MYO18B: variants seen among roughly 807,000 people sequenced by gnomAD.
MYO18B encodes unconventional myosin-XVIIIb.
MYO18B carries 204 observed loss-of-function variants against 273.0 expected under a neutral mutation model. The ratio of observed to expected loss-of-function variants is 0.75; its 90% CI spans 0.67 to 0.84. MYO18B has a LOEUF of 0.84. Among genes scored for constraint, MYO18B ranks in the 40% least tolerant of loss-of-function variants. The pLI is 0.00. For synonymous variants in MYO18B, 1,330 were observed against 1,305.7 expected, an observed-to-expected ratio of 1.02 and a Z score of -0.40; for missense variants, 3,212 against 3,287.6, an observed-to-expected ratio of 0.98 and a Z score of 0.56.
At chr22:25,833,633 G>C (rs1487361272) in intron 16 of MYO18B, among the ~76,000 whole-genome samples, 1 of 152,148 alleles carries the variant, frequency 6.6e-6, no homozygotes, top group African/African-American at 2.4e-5. Context: ...CATGAAACCT[G>C]CCATGCTTGG....
At chr22:25,976,554 A>G (rs949905307) in intron 39 of MYO18B, among the ~76,000 whole-genome samples, 5 of 152,194 alleles carry the variant, frequency 3.3e-5, no homozygotes, top group African/African-American at 1.2e-4. Flanking sequence ...AGTCATTAAC[A>G]TGCCTGGCCA....
Position 25,823,989 on chromosome 22 carries a change from C to T in MYO18B, c.2695+311C>T, listed in dbSNP as rs557098400. ...TCCATCGGATTTCGTGTTTGTTGAG[C>T]ACCTACTAAGTAGGGGAAAGACTAG... On this transcript the variant is annotated intron_variant, in intron 13 of 43. Transcript: ENST00000335473. 6.4e-4 allele frequency among the ~76,000 whole-genome samples: 97 copies of T among 152,140 alleles called. 3 individuals are homozygous for T. Among genetic ancestry groups the T allele is most frequent in the Non-Finnish European group, 1.3e-4 (9 of 68,036 alleles).
Position 25,883,539 on chromosome 22 carries a change from A to G in MYO18B, c.4314+5491A>G, listed in dbSNP as rs777467083. 3 of 152,222 alleles carry G rather than the reference A, an allele frequency of 2.0e-5. No individual in the cohort carries two copies. Among genetic ancestry groups the G allele is most frequent in the Non-Finnish European group, 4.4e-5 (3 of 68,042 alleles). The allele number at this position is 152,222 out of a possible 1,614,324, so 9.4% of individuals were successfully genotyped here. A position where few individuals can be genotyped will look rare whatever the true frequency, so the allele number is the denominator to read the frequency against. On this transcript the variant is annotated intron_variant, in intron 25 of 43. Transcript: ENST00000335473. This position sits in a 1 kb window ranked among gnomAD's most constrained non-coding sequence, Gnocchi z 7.6. ...GTCCTGGGACCACACTTTGAGACAC[A>G]TTAGGCCAGAGAACAGCTAGAAGAT...
At position 26,027,410 on chromosome 22, in the gene MYO18B, A is replaced by T. The variant is rs1239192695; in HGVS notation, c.7436A>T (p.Glu2479Val). 1.2e-6 allele frequency: 2 copies of T among 1,613,990 alleles called. No homozygotes were observed. Among genetic ancestry groups the T allele is most frequent in the Admixed American group, 3.3e-5 (2 of 60,024 alleles). ...TCAAGCATCCACTTTGAAACGGAAG[A>T]GGCTAACCGTTCCTTTCTCTCGGGG... is the stretch of plus-strand genomic sequence containing the variant. ...QRSSIHFETE[E>V]ANRSFLSGIK... Residue 2479 changes from glutamate (E) to valine (V), a missense_variant, in exon 43 of 44, where the codon GAG (glutamate) becomes GTG (valine). Glu to Val is a moderately radical substitution (Grantham distance 121). Transcript: ENST00000335473. The surrounding 1 kb of genome is among the most constrained non-coding windows in gnomAD (Gnocchi z 4.1).
intron 40 of MYO18B, among the ~76,000 whole-genome samples, chr22:26,000,497 A>G (rs1340135120): frequency 2.0e-5 from 3 of 151,822 alleles, no homozygotes; most frequent in Non-Finnish European, 2.9e-5. Flanking sequence ...CGTGCAGTCT[A>G]TATGGTAGTG....
intron 34 of MYO18B, among the ~76,000 whole-genome samples, chr22:25,930,445 C>A (rs1480743695): frequency 6.6e-6 from 1 of 151,754 alleles, no homozygotes; most frequent in Non-Finnish European, 1.5e-5. Flanking sequence ...AATTTAACCT[C>A]TCCCCGCCAT....
At chr22:25,890,664 G>T in intron 25 of MYO18B, 92 bp from the exon 26 acceptor site, 1 of 1,521,232 alleles carries the variant, frequency 6.6e-7, no homozygotes. Context: ...CCATGATAGT[G>T]ATTTGTCCAA....
chr22:25,785,399 CT>C lies in MYO18B; in HGVS notation c.2313-28del, dbSNP rs569160517. The C allele has an allele frequency of 1.9e-3, 3,080 of 1,590,980 alleles. 10 individuals carry two copies. Among genetic ancestry groups the C allele is most frequent in the South Asian group, 5.4e-3 (475 of 87,182 alleles). ...GCCAGGGCTGGTGTGGACAGCCCCC[CT>C]GACTCCTGGTTCCTTCTGTGCTTCC... On this transcript the variant is annotated intron_variant, in intron 10 of 43. Transcript: ENST00000335473.
Position 25,797,986 on chromosome 22 carries a change from G to C in MYO18B, c.2410G>C (p.Ala804Pro). Residue 804 changes from alanine to proline, a missense_variant, in exon 12 of 44, where the codon GCC (alanine) becomes CCC (proline). Physicochemically the swap from Ala to Pro is conservative, Grantham distance 27. Transcript: ENST00000335473. ...EDKQKAAAAFAQLQGAMEMLG... is the reference protein window; with the variant it reads ...EDKQKAAAAFPQLQGAMEMLG... ...TAAACAGAAGGCGGCAGCTGCCTTT[G>C]CCCAGCTCCAGGGTGCCATGGAGAT... 1 of 1,613,968 alleles carries C rather than the reference G, an allele frequency of 6.2e-7. No homozygotes were observed. Among genetic ancestry groups the C allele is most frequent in the Non-Finnish European group, 8.5e-7 (1 of 1,179,860 alleles).
intron 16 of MYO18B, among the ~76,000 whole-genome samples, chr22:25,834,673 C>G (rs3887776): frequency 6.6e-6 from 1 of 151,926 alleles, no homozygotes; most frequent in Non-Finnish European, 1.5e-5. Flanking sequence ...GCCCTTTAAA[C>G]TCCCCAGGCC....
At chr22:26,015,106 G>A (rs1034253363) in intron 42 of MYO18B, among the ~76,000 whole-genome samples, 1 of 152,028 alleles carries the variant, frequency 6.6e-6, no homozygotes, top group Non-Finnish European at 1.5e-5. Context: ...ATTGCTTTTG[G>A]CATCTTCATC....
chr22:26,051,289 T>A, the MYO18B span, among the ~76,000 whole-genome samples: 1 of 137,076 alleles, frequency 7.3e-6, no homozygotes, highest in Non-Finnish European at 1.5e-5. Context: ...AGTGGCGCCA[T>A]CTCTGCTCAC....
At chr22:25,965,690 A>G (rs1220536215) in intron 39 of MYO18B, among the ~76,000 whole-genome samples, 1 of 152,234 alleles carries the variant, frequency 6.6e-6, no homozygotes, top group Non-Finnish European at 1.5e-5. Context: ...AACGTTAGCA[A>G]AATAATTAGA....
At chr22:25,886,074 C>T (rs1029673743) in intron 25 of MYO18B, among the ~76,000 whole-genome samples, 3 of 152,260 alleles carry the variant, frequency 2.0e-5, no homozygotes, top group Admixed American at 1.3e-4. Context: ...TGGTGTCCTT[C>T]GGTGAGCGTT....
At chr22:25,780,590 C>CAAA (rs59082074) in intron 9 of MYO18B, among the ~76,000 whole-genome samples, 7 of 65,218 alleles carry the variant, frequency 1.1e-4, no homozygotes, top group South Asian at 7.4e-4. Context: ...AACTCCATCT[C>CAAA]AAAAAAAAAA....
At chr22:25,760,434 A>ACAAAAAC (rs1555883283) in intron 1 of MYO18B, among the ~76,000 whole-genome samples, 1 of 111,530 alleles carries the variant, frequency 9.0e-6, no homozygotes, top group South Asian at 3.0e-4. Flanking sequence ...AAAAAAAAAA[A>ACAAAAAC]CACAAAAACA....
intron 25 of MYO18B, among the ~76,000 whole-genome samples, chr22:25,884,482 T>TA (rs781292671): frequency 1.4e-4 from 22 of 152,304 alleles, no homozygotes; most frequent in Non-Finnish European, 1.5e-4. Flanking sequence ...TGGGACATGC[T>TA]AGGGAGTATC....
rs1439477883 is a variant in MYO18B at position 25,910,978 on chromosome 22, G to A, written c.5292G>A (p.Glu1764=). The change falls in exon 33 of 44, where the codon GAG becomes GAA. Residue 1764 remains glutamate (E), a synonymous_variant. Coordinates refer to ENST00000335473, the MANE Select transcript of MYO18B (RefSeq NM_032608.7). ...LHQLEMQLEQ[E]YEEKQMVLHE... ...AGCTGGAAATGCAGCTGGAGCAAGA[G>A]TATGAAGAGAAGCAGATGGTCCTCC... The A allele has an allele frequency of 6.2e-7, 1 of 1,602,718 alleles. No homozygotes were observed. Among genetic ancestry groups the A allele is most frequent in the East Asian group, 2.2e-5 (1 of 44,572 alleles).
chr22:25,893,749 A>G (rs1601496778), intron 27 of MYO18B, among the ~76,000 whole-genome samples: 1 of 151,842 alleles, frequency 6.6e-6, no homozygotes, highest in South Asian at 2.1e-4. Context: ...TAATCCTACC[A>G]TCCATCCATC....
Sources: gnomAD v4.1 joint callset for allele counts (sites outside exome capture counted in the v4.1 genomes callset) on GRCh38, gnomAD v4.1.1 for gene constraint, Gnocchi (gnomAD v3.1) non-coding constraint, MANE v1.5 for transcripts, NCBI Gene and HGNC (gene_info 2026-07-23, HGNC 2026-07-21) for gene names.